Variants in RHBDF2 observed in about 807,000 individuals in gnomAD.
RHBDF2 encodes inactive rhomboid protein 2.
Under a neutral mutation model 95.2 loss-of-function variants are expected in RHBDF2, and 38 were observed. The observed-to-expected ratio is 0.40, with a 90% CI of 0.31 to 0.52. RHBDF2 has a LOEUF of 0.52. Ranked by LOEUF, RHBDF2 falls within the 20% of genes least tolerant of loss-of-function variation. RHBDF2 has a pLI of 0.56. For synonymous variants in RHBDF2, 442 were observed against 462.0 expected (o/e 0.96, Z 0.55); for missense variants, 863 against 1,137.7 (o/e 0.76, Z 3.47).
chr17:76,484,226 G>T (rs1179126355), intron 2 of RHBDF2, among the ~76,000 whole-genome samples: 1 of 152,020 alleles, frequency 6.6e-6, no homozygotes, highest in Non-Finnish European at 1.5e-5. Flanking sequence ...TTGCACCATT[G>T]CACTCCAGCC....
chr17:76,482,126 G>A (rs1299180015), intron 2 of RHBDF2, among the ~76,000 whole-genome samples: 1 of 152,006 alleles, frequency 6.6e-6, no homozygotes, highest in African/African-American at 2.4e-5. Context: ...TATGGGTCTG[G>A]GAGGTCCTCA....
intron 1 of RHBDF2, chr17:76,492,914 G>C (rs1872102172): frequency 6.6e-6 from 1 of 152,440 alleles, no homozygotes; most frequent in African/African-American, 2.4e-5. Flanking sequence ...CTCCAGACAG[G>C]AAAGAGGGAG....
Position 76,479,856 on chromosome 17 carries a change from T to C in RHBDF2, c.151-2A>G. On this transcript the variant is annotated splice_acceptor_variant, in intron 3 of 18. Transcript: ENST00000675367. LOFTEE classifies it high-confidence loss of function. The stretch of plus-strand genomic sequence containing the variant: ...CTTCAAGTAGGCTGGGTTCTTCCTC[T>C]TGGGGAGGAAGGAGGGAGGGCAGGC... 1.2e-6 allele frequency: 2 copies of C among 1,612,260 alleles called. No individual in the cohort carries two copies. Among genetic ancestry groups the C allele is most frequent in the Non-Finnish European group, 1.7e-6 (2 of 1,179,398 alleles).
In RHBDF2 at chr17:76,479,971, C is replaced by A. The variant is rs138663576; in HGVS notation, c.151-117G>T. On this transcript the variant is annotated intron_variant, in intron 3 of 18. Transcript: ENST00000675367. ...GAACAAACTTCAACCCTGATTTATG[C>A]CCCAATTTGCTTTCATTTGGAAATA... 2,576 of 1,418,958 alleles carry A rather than the reference C, an allele frequency of 1.8e-3. 55 individuals are homozygous for A. In the African/African-American group the frequency reaches 0.035, roughly 19 times the overall value. The allele number at this position is 1,418,958 out of a possible 1,614,324, so 87.9% of individuals were successfully genotyped here.
At position 76,501,399 on chromosome 17, in the gene RHBDF2, G is replaced by C. The variant is rs538590981; in HGVS notation, c.-266C>G. On this transcript the variant is annotated 5_prime_UTR_variant, in exon 1 of 19. Coordinates refer to ENST00000675367, the MANE Select transcript of RHBDF2 (RefSeq NM_001005498.4). ...CGGGACGCAACTCCGTGCGGCGCCT[G>C]CGAGCGGCTGGGCGGTGGCTCCTCG... 9.2e-5 allele frequency: 14 copies of C among 152,514 alleles called. No individual in the cohort carries two copies. Among genetic ancestry groups the C allele is most frequent in the African/African-American group, 3.4e-4 (14 of 41,556 alleles). The allele number at this position is 152,514 out of a possible 1,614,324, so 9.4% of individuals were successfully genotyped here.
At chr17:76,481,842 T>G in intron 2 of RHBDF2, 1 of 220,716 alleles carries the variant, frequency 4.5e-6, no homozygotes, top group East Asian at 1.1e-4. Context: ...TAATCCCAGC[T>G]ACTCGGGAGG....
At chr17:76,473,942 G>T (rs200409755) in intron 13 of RHBDF2, 40 bp from the exon 14 acceptor site, 129 of 1,610,692 alleles carry the variant, frequency 8.0e-5, no homozygotes, top group Middle Eastern at 3.3e-4. Context: ...CACACCCAGC[G>T]TGCCACGTCC....
chr17:76,474,094 TG>T lies in RHBDF2; in HGVS notation c.1512del (p.Met505TrpfsTer145). 1.9e-6 allele frequency: 3 copies of T among 1,608,584 alleles called. No homozygotes were observed. Among genetic ancestry groups the T allele is most frequent in the Non-Finnish European group, 8.5e-7 (1 of 1,178,058 alleles). On this transcript the variant is annotated frameshift_variant, in exon 13 of 19. Coordinates refer to ENST00000675367, the MANE Select transcript of RHBDF2 (RefSeq NM_001005498.4). LOFTEE classifies it high-confidence loss of function. ...FVKWQDDTGP[P>X]MDKSDLGQKR... The stretch of plus-strand genomic sequence containing the variant: ...TTCTGGCCCAGATCAGACTTGTCCA[TG>T]GGGGGCCCAGTGTCATCCTGCCACT...
At chr17:76,479,303 G>A (rs1239205182) in intron 4 of RHBDF2, 26 bp from the exon 5 acceptor site, 1 of 1,574,874 alleles carries the variant, frequency 6.3e-7, no homozygotes, top group Middle Eastern at 1.7e-4. Context: ...AGGGACAGGT[G>A]GGCATACGCT....
chr17:76,499,659 A>C (rs1264623765), intron 1 of RHBDF2, among the ~76,000 whole-genome samples: 1 of 152,210 alleles, frequency 6.6e-6, no homozygotes. Flanking sequence ...TGTCACTTTC[A>C]AAAGGTGTAC....
At chr17:76,477,485 C>T (rs1218005238) in intron 7 of RHBDF2, among the ~76,000 whole-genome samples, 172 bp downstream of exon 7, 1 of 143,404 alleles carries the variant, frequency 7.0e-6, no homozygotes, top group African/African-American at 2.5e-5. Flanking sequence ...AGGTCTTCAC[C>T]CTACCCAACA....
intron 16 of RHBDF2, 27 bp downstream of exon 16, chr17:76,473,225 C>T (rs1163961235): frequency 1.2e-6 from 2 of 1,607,864 alleles, no homozygotes; most frequent in Non-Finnish European, 1.7e-6. Context: ...TCCTCTCCTC[C>T]ACTACTCCAG....
intron 1 of RHBDF2, among the ~76,000 whole-genome samples, chr17:76,494,627 C>A (rs1208681497): frequency 3.3e-5 from 5 of 152,202 alleles, no homozygotes; most frequent in African/African-American, 4.8e-5. Context: ...TGGCGGGTGC[C>A]TGTAATCCCA....
chr17:76,491,040 A>G (rs2074285378), intron 1 of RHBDF2, among the ~76,000 whole-genome samples: 1 of 152,016 alleles, frequency 6.6e-6, no homozygotes, highest in South Asian at 2.1e-4. Context: ...TCAGCCCTGG[A>G]CAGAAGGGGT....
In RHBDF2 at chr17:76,492,371, G is replaced by A. The variant is rs542028240; in HGVS notation, c.-219-4462C>T. Among the ~76,000 whole-genome samples, 7 of 152,280 alleles carry A rather than the reference G, an allele frequency of 4.6e-5. No individual in the cohort carries two copies. In the East Asian group the frequency reaches 1.2e-3, roughly 25 times the overall value. On this transcript the variant is annotated intron_variant, in intron 1 of 18. Transcript: ENST00000675367. ...GCAGCGGACCTCAGACACATCCAAC[G>A]AAACACAGACTCAGACACCATTTAC...
At position 76,481,369 on chromosome 17, in the gene RHBDF2, C is replaced by T. The variant is rs1304253079; in HGVS notation, c.150+6G>A. On this transcript the variant is annotated splice_donor_region_variant and intron_variant, in intron 3 of 18. Transcript: ENST00000675367. The stretch of plus-strand genomic sequence containing the variant: ...GAACAGTGAGCCCCCAGGCCAGCCC[C>T]CTTACCTCAGGCAGCATGCTGTCCT... 42 of 1,609,538 alleles carry T rather than the reference C, an allele frequency of 2.6e-5. No individual in the cohort carries two copies. The highest frequency in any genetic ancestry group is 3.4e-5 in the Non-Finnish European group (40 of 1,178,700).
intron 15 of RHBDF2, 93 bp from the exon 16 acceptor site, chr17:76,473,420 T>G (rs894142645): frequency 8.2e-7 from 1 of 1,226,834 alleles, no homozygotes; most frequent in Non-Finnish European, 1.2e-6. Flanking sequence ...ACAGGAGGCA[T>G]CGCTGGCAGG....
intron 9 of RHBDF2, 133 bp downstream of exon 9, chr17:76,476,697 T>C: frequency 1.5e-6 from 2 of 1,362,188 alleles, no homozygotes; most frequent in Non-Finnish European, 1.9e-6. Context: ...GCCTTCGAGC[T>C]TGTCACTACA....
In RHBDF2 at chr17:76,474,913, T is replaced by C. The variant is rs556159350; in HGVS notation, c.1228-109A>G. On this transcript the variant is annotated intron_variant, in intron 10 of 18. Transcript: ENST00000675367. ...GAGCCTCCAGGAAGGGGCCAGGCTA[T>C]GGTGAGCACCACCCTGCTGGGGCCA... 2.0e-5 allele frequency: 31 copies of C among 1,518,286 alleles called. No homozygotes were observed. The African/African-American group carries it at 3.3e-4, about 16-fold the overall frequency. 94.1% of individuals were successfully genotyped at this position (1,518,286 alleles called of 1,614,324 possible).
Sources: allele counts gnomAD v4.1 joint callset (sites outside exome capture counted in the v4.1 genomes callset), GRCh38; gene constraint gnomAD v4.1.1; transcripts MANE v1.5; gene names NCBI Gene and HGNC (gene_info 2026-07-23, HGNC 2026-07-21).